The following SPATA17 variants were observed in gnomAD, a reference collection of about 807,000 sequenced individuals.
The protein encoded by SPATA17 is spermatogenesis associated 17.
In SPATA17, 53 loss-of-function variants were observed where a neutral mutation model predicts 62.2. The ratio of observed to expected loss-of-function variants is 0.85; its 90% CI spans 0.68 to 1.07. The LOEUF (loss-of-function observed/expected upper bound fraction) is 1.07, where lower values mean the gene tolerates loss of function less well. SPATA17 is among the 50% of genes least tolerant of loss of function. The pLI, the probability that SPATA17 is intolerant of heterozygous loss-of-function variation, is 0.00. For synonymous variants in SPATA17, 146 were observed against 146.8 expected (o/e 0.99, Z 0.04); for missense variants, 466 against 425.5 (o/e 1.10, Z -0.84).
chr1:217,663,592 C>T (rs1670617138), intron 3 of SPATA17, among the ~76,000 whole-genome samples: 1 of 151,956 alleles, frequency 6.6e-6, no homozygotes, highest in African/African-American at 2.4e-5. Context: ...GTCGATGGCC[C>T]TAATATGGAA....
chr1:217,850,345 T>A, intron 9 of SPATA17: 1 of 579,800 alleles, frequency 1.7e-6, no homozygotes, highest in Admixed American at 3.1e-5. Flanking sequence ...TGGGGGCAGA[T>A]GGCTATAGTG....
Position 217,696,327 on chromosome 1 carries a change from G to C in SPATA17, c.395+12966G>C, listed in dbSNP as rs1001537219. 5.3e-5 allele frequency among the ~76,000 whole-genome samples: 8 copies of C among 152,250 alleles called. No homozygotes were observed. In the East Asian group the frequency reaches 1.4e-3, roughly 26 times the overall value. ...CTGACCCCTTGAGCTTCCCAGGTGA[G>C]GCAATGCCTCGCCCTGCTTCGGCTC... is the stretch of plus-strand genomic sequence containing the variant. On this transcript the variant is annotated intron_variant, in intron 5 of 10. Coordinates refer to ENST00000366933, the MANE Select transcript of SPATA17 (RefSeq NM_138796.4).
chr1:217,683,845 C>A (rs1671158077), intron 5 of SPATA17, among the ~76,000 whole-genome samples: 1 of 151,832 alleles, frequency 6.6e-6, no homozygotes, highest in South Asian at 2.1e-4. Flanking sequence ...TTAAAAAAAT[C>A]TTGTATCCTT....
intron 9 of SPATA17, among the ~76,000 whole-genome samples, chr1:217,822,753 T>C (rs1409178647): frequency 1.3e-5 from 2 of 148,998 alleles, no homozygotes; most frequent in South Asian, 2.1e-4. Context: ...TTGTTTGTAC[T>C]ATGTTTTTTA....
chr1:217,736,687 AAG>A (rs536291006), intron 5 of SPATA17, among the ~76,000 whole-genome samples: 15 of 152,194 alleles, frequency 9.9e-5, no homozygotes, highest in Non-Finnish European at 2.2e-4. Context: ...CCAATGCTGA[AAG>A]GCCTTGTAGG....
intron 10 of SPATA17, among the ~76,000 whole-genome samples, chr1:217,865,677 CATT>C (rs1439679998): frequency 1.4e-4 from 21 of 152,128 alleles, no homozygotes; most frequent in Non-Finnish European, 7.4e-5. Flanking sequence ...TCTCTTTAAA[CATT>C]GTTGTGGAGA....
intron 9 of SPATA17, among the ~76,000 whole-genome samples, chr1:217,823,044 C>A (rs1047935520): frequency 9.2e-5 from 14 of 151,410 alleles, no homozygotes; most frequent in African/African-American, 3.4e-4. Flanking sequence ...CATTTTTTGT[C>A]TTAAAATGTT....
chr1:217,821,721 C>T (rs547919153), intron 9 of SPATA17, among the ~76,000 whole-genome samples: 1 of 152,100 alleles, frequency 6.6e-6, no homozygotes, highest in African/African-American at 2.4e-5. Context: ...ATTAATTATG[C>T]TGTTATGTGG....
intron 6 of SPATA17, among the ~76,000 whole-genome samples, chr1:217,769,904 C>G (rs1216868472): frequency 6.6e-6 from 1 of 152,168 alleles, no homozygotes; most frequent in Admixed American, 6.5e-5. Flanking sequence ...TTACTAAATG[C>G]TAGATTGTGA....
intron 5 of SPATA17, among the ~76,000 whole-genome samples, chr1:217,729,284 G>A (rs556026781): frequency 6.6e-6 from 1 of 152,214 alleles, no homozygotes; most frequent in South Asian, 2.1e-4. Context: ...CAGCAGGGAG[G>A]CCACTTTTTC....
At chr1:217,808,633 C>T (rs1465989711) in intron 9 of SPATA17, among the ~76,000 whole-genome samples, 2 of 152,084 alleles carry the variant, frequency 1.3e-5, no homozygotes, top group Non-Finnish European at 2.9e-5. Context: ...GTGGGCAGAT[C>T]CCAAGGTCAA....
At chr1:217,754,067 C>A (rs756996632) in intron 6 of SPATA17, among the ~76,000 whole-genome samples, 12 of 151,972 alleles carry the variant, frequency 7.9e-5, no homozygotes, top group Non-Finnish European at 1.5e-4. Context: ...AAAACACCAT[C>A]TCTACAAAAA....
intron 8 of SPATA17, among the ~76,000 whole-genome samples, chr1:217,799,944 G>A (rs1321106446): frequency 6.6e-5 from 10 of 151,710 alleles, no homozygotes; most frequent in Non-Finnish European, 5.9e-5. Flanking sequence ...TTATTTCCCA[G>A]AGCTTCCACT....
intron 5 of SPATA17, among the ~76,000 whole-genome samples, chr1:217,685,527 G>A (rs1362997286): frequency 1.3e-5 from 2 of 152,016 alleles, no homozygotes; most frequent in Non-Finnish European, 2.9e-5. Context: ...TCTTAAACCA[G>A]GAATGGAAGT....
At chr1:217,702,796 C>T (rs777577383) in intron 5 of SPATA17, among the ~76,000 whole-genome samples, 30 of 152,028 alleles carry the variant, frequency 2.0e-4, no homozygotes, top group Non-Finnish European at 3.1e-4. Flanking sequence ...TTAGCTTTAT[C>T]CCATATGTTC....
At chr1:217,856,037 T>A (rs1277104783) in intron 9 of SPATA17, among the ~76,000 whole-genome samples, 1 of 152,064 alleles carries the variant, frequency 6.6e-6, no homozygotes, top group Non-Finnish European at 1.5e-5. Context: ...CAGATGGAAC[T>A]ATTAAGAAGG....
intron 5 of SPATA17, among the ~76,000 whole-genome samples, chr1:217,716,330 A>G (rs890927733): frequency 1.3e-5 from 2 of 152,224 alleles, no homozygotes; most frequent in African/African-American, 4.8e-5. Context: ...TAACATGTGC[A>G]GCACCTAAAA....
intron 9 of SPATA17, among the ~76,000 whole-genome samples, chr1:217,821,907 A>T (rs1674873244): frequency 6.6e-6 from 1 of 152,120 alleles, no homozygotes; most frequent in Non-Finnish European, 1.5e-5. Flanking sequence ...ATAACAGGTT[A>T]AATGAGTGGC....
At chr1:217,752,635 T>G (rs532916019) in intron 6 of SPATA17, among the ~76,000 whole-genome samples, 10 of 152,344 alleles carry the variant, frequency 6.6e-5, no homozygotes, top group African/African-American at 2.4e-4. Flanking sequence ...GAATATATTT[T>G]TGAAAGGAGA....
Sources: allele counts gnomAD v4.1 joint callset (sites outside exome capture counted in the v4.1 genomes callset), GRCh38; gene constraint gnomAD v4.1.1; transcripts MANE v1.5; gene names NCBI Gene and HGNC (gene_info 2026-07-23, HGNC 2026-07-21).